ZNF385D: variants seen among roughly 807,000 people sequenced by gnomAD.
ZNF385D encodes zinc finger protein 385D.
In ZNF385D, 15 loss-of-function variants were observed where a neutral mutation model predicts 35.8. The ratio of observed to expected loss-of-function variants is 0.42; its 90% confidence interval spans 0.28 to 0.64. ZNF385D has a LOEUF of 0.64. Among genes scored for constraint, ZNF385D ranks in the 30% least tolerant of loss-of-function variants. ZNF385D has a pLI of 0.23. For synonymous variants in ZNF385D, 212 were observed against 186.8 expected (o/e 1.13, Z -1.10); for missense variants, 474 against 494.6 (o/e 0.96, Z 0.39).
At chr3:22,084,566 A>T (rs1223145240) in intron 3 of ZNF385D, among the ~76,000 whole-genome samples, 1 of 152,224 alleles carries the variant, frequency 6.6e-6, no homozygotes, top group Non-Finnish European at 1.5e-5. Context: ...AGGAGCACCC[A>T]GATTCATAAA....
At chr3:22,085,937 C>G (rs2593319) in intron 3 of ZNF385D, among the ~76,000 whole-genome samples, 119,000 of 152,142 alleles carry the variant, frequency 0.78, 47,297 homozygotes, top group Non-Finnish European at 0.84. Flanking sequence ...CACATAAACA[C>G]AACCAATGAT....
At chr3:22,176,198 G>GGTGT (rs144013538) in intron 2 of ZNF385D, among the ~76,000 whole-genome samples, 17 of 151,154 alleles carry the variant, frequency 1.1e-4, no homozygotes, top group African/African-American at 3.9e-4. Flanking sequence ...CAGCTTCAGT[G>GGTGT]GTGTGTGTGT....
At chr3:21,607,818 GGA>G (rs1447662789) in intron 2 of ZNF385D, among the ~76,000 whole-genome samples, 2 of 151,972 alleles carry the variant, frequency 1.3e-5, no homozygotes, top group African/African-American at 2.4e-5. Context: ...ACTGAATTAT[GGA>G]GAGAAGAGAG....
At chr3:22,326,070 C>G (rs183374627) in intron 2 of ZNF385D, among the ~76,000 whole-genome samples, 105 of 152,266 alleles carry the variant, frequency 6.9e-4, no homozygotes, top group South Asian at 2.5e-3. Context: ...TTCCTTTCCC[C>G]TCTCTCTTCC....
intron 3 of ZNF385D, among the ~76,000 whole-genome samples, chr3:21,964,752 A>T (rs2125326806): frequency 6.6e-6 from 1 of 152,158 alleles, no homozygotes; most frequent in South Asian, 2.1e-4. Flanking sequence ...TCGACCTCCC[A>T]AAGTGCTGGG....
chr3:22,176,193 T>C (rs188555624), intron 2 of ZNF385D, among the ~76,000 whole-genome samples: 16 of 151,658 alleles, frequency 1.1e-4, no homozygotes, highest in Admixed American at 5.2e-4. Context: ...ACATTCAGCT[T>C]CAGTGGTGTG....
At chr3:22,153,651 A>G (rs1705407744) in intron 3 of ZNF385D, among the ~76,000 whole-genome samples, 1 of 151,838 alleles carries the variant, frequency 6.6e-6, no homozygotes, top group African/African-American at 2.4e-5. Context: ...TTTAGTAGAG[A>G]TGGCATTTCA....
intron 3 of ZNF385D, among the ~76,000 whole-genome samples, chr3:22,062,311 T>G (rs1396783717): frequency 1.3e-5 from 2 of 152,146 alleles, no homozygotes; most frequent in Non-Finnish European, 2.9e-5. Context: ...CGCCTCAGCC[T>G]CCCAAAGGGC....
At chr3:21,910,705 A>G (rs1320215415) in intron 3 of ZNF385D, among the ~76,000 whole-genome samples, 1 of 151,628 alleles carries the variant, frequency 6.6e-6, no homozygotes, top group Non-Finnish European at 1.5e-5. Context: ...GTAAAAAGTA[A>G]CATGCATGGG....
intron 2 of ZNF385D, among the ~76,000 whole-genome samples, chr3:22,294,548 G>A (rs1399039769): frequency 6.6e-6 from 1 of 151,864 alleles, no homozygotes; most frequent in Non-Finnish European, 1.5e-5. Context: ...CTGGCTAAAT[G>A]GATATATTGA....
chr3:21,473,245 T>C (rs1450488377), intron 4 of ZNF385D, among the ~76,000 whole-genome samples: 1 of 152,038 alleles, frequency 6.6e-6, no homozygotes, highest in Admixed American at 6.6e-5. Flanking sequence ...CATGGTCTCC[T>C]TTTCTGTGGA....
chr3:22,243,967 G>C (rs114973180), intron 2 of ZNF385D, among the ~76,000 whole-genome samples: 1 of 150,708 alleles, frequency 6.6e-6, no homozygotes, highest in Non-Finnish European at 1.5e-5. Context: ...TATTTCATAA[G>C]TGACTAGAAA....
At chr3:22,305,747 A>G (rs556110271) in intron 2 of ZNF385D, among the ~76,000 whole-genome samples, 3 of 152,318 alleles carry the variant, frequency 2.0e-5, no homozygotes, top group Non-Finnish European at 2.9e-5. Flanking sequence ...CCATGTGCTC[A>G]GTAAAAGTAG....
intron 2 of ZNF385D, among the ~76,000 whole-genome samples, chr3:22,291,412 A>G (rs1256301320): frequency 1.3e-5 from 2 of 152,106 alleles, no homozygotes; most frequent in East Asian, 3.9e-4. Context: ...AAATTATTTC[A>G]AGGTACATTA....
Position 21,416,054 on chromosome 3 carries a change from C to T in ZNF385D, c.*5160G>A, listed in dbSNP as rs1193697217. 2 of 29,394 alleles carry T rather than the reference C, an allele frequency of 6.8e-5. No individual in the cohort carries two copies. The highest frequency in any genetic ancestry group is 0.011 in the East Asian group (2 of 180). 1.8% of individuals were successfully genotyped at this position (29,394 alleles called of 1,614,324 possible). On this transcript the variant is annotated 3_prime_UTR_variant, in exon 8 of 8. Transcript: ENST00000281523. ...TTTTTTTTTTTTTGAGACGGAGTCT[C>T]GCTCTGTCGCCCAGGTCGGACTGCG...
At chr3:22,140,158 G>C (rs565920999) in intron 3 of ZNF385D, among the ~76,000 whole-genome samples, 4 of 152,106 alleles carry the variant, frequency 2.6e-5, no homozygotes, top group African/African-American at 9.7e-5. Flanking sequence ...ATGTTTATAG[G>C]AGCTTTGTAA....
At chr3:21,919,872 A>G (rs1480354220) in intron 3 of ZNF385D, among the ~76,000 whole-genome samples, 1 of 152,240 alleles carries the variant, frequency 6.6e-6, no homozygotes, top group Non-Finnish European at 1.5e-5. Flanking sequence ...AATAACTCTG[A>G]ATAACTTTTC....
intron 2 of ZNF385D, among the ~76,000 whole-genome samples, chr3:22,235,382 G>T (rs560673080): frequency 5.5e-4 from 83 of 152,234 alleles, no homozygotes; most frequent in African/African-American, 1.9e-3. Flanking sequence ...AAGGCTGATT[G>T]CAGGGAGAAA....
chr3:22,119,324 C>T (rs142177676), intron 3 of ZNF385D, among the ~76,000 whole-genome samples: 1 of 152,158 alleles, frequency 6.6e-6, no homozygotes, highest in African/African-American at 2.4e-5. Context: ...GACTTATGTC[C>T]GAGGCCAAAT....
Sources: allele counts gnomAD v4.1 joint callset (sites outside exome capture counted in the v4.1 genomes callset), GRCh38; gene constraint gnomAD v4.1.1; transcripts MANE v1.5; gene names NCBI Gene and HGNC (gene_info 2026-07-23, HGNC 2026-07-21).